RXRA: variants seen among roughly 807,000 people sequenced by gnomAD.
RXRA encodes retinoic acid receptor RXR-alpha.
In RXRA, 5 loss-of-function variants were observed where a neutral mutation model predicts 44.5. The observed-to-expected ratio is 0.11, with a 90% CI of 0.06 to 0.24. The LOEUF (loss-of-function observed/expected upper bound fraction) is 0.24. Among genes scored for constraint, RXRA ranks in the 10% least tolerant of loss-of-function variants. The pLI is 1.00. For missense variants in RXRA, 412 were observed against 646.5 expected (o/e 0.64, Z 3.93); for synonymous variants, 291 against 271.4 (o/e 1.07, Z -0.71).
chr9:134,352,398 C>T (rs1428939277), intron 1 of RXRA, among the ~76,000 whole-genome samples: 1 of 152,044 alleles, frequency 6.6e-6, no homozygotes, highest in Non-Finnish European at 1.5e-5. Flanking sequence ...CCGGAGGGGC[C>T]ACAATCCTTC....
At chr9:134,424,841 G>A (rs1215517687) in intron 6 of RXRA, 2 of 985,362 alleles carry the variant, frequency 2.0e-6, no homozygotes, top group African/African-American at 1.7e-5. Context: ...GGGGACCAGG[G>A]GTGATCCTGC....
intron 1 of RXRA, among the ~76,000 whole-genome samples, chr9:134,351,419 C>T (rs1342898811): frequency 6.6e-6 from 1 of 152,202 alleles, no homozygotes; most frequent in Non-Finnish European, 1.5e-5. Context: ...CAGTCCCTGC[C>T]TGCATTGCTC....
At position 134,374,965 on chromosome 9, in the gene RXRA, T is replaced by A. The variant is rs775573823; in HGVS notation, c.29-26667T>A. On this transcript the variant is annotated intron_variant, in intron 1 of 9. Coordinates refer to ENST00000481739, the MANE Select transcript of RXRA (RefSeq NM_002957.6). Reference sequence around the variant, plus strand: ...CAGGGCCCAGGGTGTCACAATGGAGTGGCCATGGCTCTATCCTCGGTAGCC... The same window carrying A: ...CAGGGCCCAGGGTGTCACAATGGAGAGGCCATGGCTCTATCCTCGGTAGCC... Among the ~76,000 whole-genome samples the A allele has an allele frequency of 5.3e-5, 8 of 151,998 alleles. 1 individual carries two copies. Among genetic ancestry groups the A allele is most frequent in the Non-Finnish European group, 1.2e-4 (8 of 67,986 alleles).
In RXRA at chr9:134,436,644, G is replaced by T. The variant is rs750745421; in HGVS notation, c.*30G>T. 3 of 1,612,172 alleles carry T rather than the reference G, an allele frequency of 1.9e-6. No homozygotes were observed. Among genetic ancestry groups the T allele is most frequent in the Non-Finnish European group, 2.5e-6 (3 of 1,179,092 alleles). On this transcript the variant is annotated 3_prime_UTR_variant, in exon 10 of 10. Coordinates refer to ENST00000481739, the MANE Select transcript of RXRA (RefSeq NM_002957.6). ...GCGGGCCCATCCTTTGTGCCCACCC[G>T]TTCTGGCCACCCTGCCTGGACGCCA...
chr9:134,368,902 G>A (rs1482214052), intron 1 of RXRA, among the ~76,000 whole-genome samples: 36 of 145,108 alleles, frequency 2.5e-4, no homozygotes, highest in Non-Finnish European at 4.2e-4. Context: ...GGTTATGTGT[G>A]TGTGGGGGTT....
At chr9:134,421,088 C>T (rs1831322118) in intron 5 of RXRA, among the ~76,000 whole-genome samples, 2 of 152,256 alleles carry the variant, frequency 1.3e-5, no homozygotes, top group South Asian at 2.1e-4. Flanking sequence ...CCAGTTTCGT[C>T]AGCTCGCCGC....
intron 1 of RXRA, among the ~76,000 whole-genome samples, chr9:134,389,757 G>A (rs1358243605): frequency 2.0e-5 from 3 of 152,152 alleles, no homozygotes; most frequent in Admixed American, 1.3e-4. Flanking sequence ...CTGTGGATGG[G>A]GTCACCCAGA....
chr9:134,366,494 C>T lies in RXRA; in HGVS notation c.29-35138C>T, dbSNP rs544179020. Among the ~76,000 whole-genome samples the T allele has an allele frequency of 6.6e-6, 1 of 152,310 alleles. No homozygotes were observed. The highest frequency in any genetic ancestry group is 2.4e-5 in the African/African-American group (1 of 41,566). On this transcript the variant is annotated intron_variant, in intron 1 of 9. Coordinates refer to ENST00000481739, the MANE Select transcript of RXRA (RefSeq NM_002957.6). This position sits in a 1 kb window ranked among gnomAD's most constrained non-coding sequence, Gnocchi z 5.9. ...AGAGTGGCCTGGCCACGGCGAGCTC[C>T]TGGCGGGAGTCCCCCTCCCCAGCAG... is the stretch of plus-strand genomic sequence containing the variant.
chr9:134,430,301 G>A (rs1277294220), intron 7 of RXRA, among the ~76,000 whole-genome samples: 1 of 152,222 alleles, frequency 6.6e-6, no homozygotes, highest in Non-Finnish European at 1.5e-5. Context: ...GCACTGCGGG[G>A]TCCCTTGGGC....
chr9:134,425,606 TGGGA>T (rs371508373), intron 6 of RXRA: 500 of 121,234 alleles, frequency 4.1e-3, no homozygotes, highest in Non-Finnish European at 4.3e-3. Flanking sequence ...CTTGCTGGGC[TGGGA>T]GGGAGGGAGG....
rs769848478 is a variant in RXRA, at chr9:134,434,217, G to T, written c.1241+10G>T. 3 of 1,598,280 alleles carry T rather than the reference G, an allele frequency of 1.9e-6. No homozygotes were observed. Among genetic ancestry groups the T allele is most frequent in the Non-Finnish European group, 8.6e-7 (1 of 1,166,486 alleles). ...CAGAGCAGCCGGGAAGGTGGGTCCC[G>T]CCCCGTCCCACACACACCCCAGACC... On this transcript the variant is annotated intron_variant, in intron 9 of 9. Coordinates refer to ENST00000481739, the MANE Select transcript of RXRA (RefSeq NM_002957.6).
At chr9:134,329,329 G>C (rs536334468) in intron 1 of RXRA, among the ~76,000 whole-genome samples, 131 of 152,358 alleles carry the variant, frequency 8.6e-4, no homozygotes, top group African/African-American at 2.8e-3. Flanking sequence ...AGTCCCGCTC[G>C]GGCCTGACGA....
At chr9:134,416,340 TGA>T (rs1442996288) in intron 4 of RXRA, among the ~76,000 whole-genome samples, 2 of 152,156 alleles carry the variant, frequency 1.3e-5, no homozygotes, top group Admixed American at 6.5e-5. Context: ...CCAGGGCTGA[TGA>T]GAGTCAGCTG....
intron 1 of RXRA, among the ~76,000 whole-genome samples, chr9:134,382,821 C>T (rs1192719761): frequency 6.6e-6 from 1 of 152,160 alleles, no homozygotes; most frequent in Admixed American, 6.5e-5. Flanking sequence ...CTGGCTTTGG[C>T]TGGGGAGGCC....
rs371715828 is a variant in RXRA at position 134,417,216 on chromosome 9, C to A, written c.669C>A (p.Thr223=). 62 of 1,613,610 alleles carry A rather than the reference C, an allele frequency of 3.8e-5. No individual in the cohort carries two copies. The highest frequency in any genetic ancestry group is 1.5e-4 in the Admixed American group (9 of 59,998). ...KDRNENEVES[T]SSANEDMPVE... is the part of the protein sequence containing the mutation. ...GGAACGAGAATGAGGTGGAGTCGAC[C>A]AGCAGCGCCAACGAGGACATGCCGG... The change falls in exon 5 of 10, where the codon ACC becomes ACA. Residue 223 remains threonine (T), a synonymous_variant. Coordinates refer to ENST00000481739, the MANE Select transcript of RXRA (RefSeq NM_002957.6). This position sits in a 1 kb window ranked among gnomAD's most constrained non-coding sequence, Gnocchi z 6.1.
chr9:134,422,542 C>T (rs1831363027), intron 6 of RXRA: 3 of 1,225,552 alleles, frequency 2.4e-6, no homozygotes, highest in Non-Finnish European at 2.1e-6. Flanking sequence ...CGGGACACTC[C>T]CCCCTCCTGG....
intron 1 of RXRA, among the ~76,000 whole-genome samples, chr9:134,340,659 C>T (rs1830075493): frequency 6.6e-6 from 1 of 152,214 alleles, no homozygotes; most frequent in African/African-American, 2.4e-5. Flanking sequence ...CGGCCCGCAG[C>T]TGCCTTCTTG....
chr9:134,360,448 A>T (rs958887206), intron 1 of RXRA, among the ~76,000 whole-genome samples: 4 of 152,006 alleles, frequency 2.6e-5, no homozygotes, highest in Admixed American at 6.5e-5. Context: ...GGCGAGGCCC[A>T]TCCTTCCCCT....
chr9:134,422,917 A>G, intron 6 of RXRA: 1 of 985,454 alleles, frequency 1.0e-6, no homozygotes, highest in Non-Finnish European at 1.2e-6. Flanking sequence ...TCCCACTCCA[A>G]GGCCGCAGCT....
Sources: allele counts gnomAD v4.1 joint callset (sites outside exome capture counted in the v4.1 genomes callset), GRCh38; gene constraint gnomAD v4.1.1; non-coding constraint Gnocchi (gnomAD v3.1); transcripts MANE v1.5; gene names NCBI Gene and HGNC (gene_info 2026-07-23, HGNC 2026-07-21).